ATG2B: variants seen among roughly 807,000 people sequenced by gnomAD.
ATG2B encodes the protein autophagy related 2B.
ATG2B carries 121 observed loss-of-function variants against 241.3 expected under a neutral mutation model. The observed-to-expected ratio is 0.50, with a 90% CI of 0.43 to 0.58. The LOEUF (loss-of-function observed/expected upper bound fraction) is 0.58, where lower values mean the gene tolerates loss of function less well. Ranked by LOEUF, ATG2B falls within the 20% of genes least tolerant of loss-of-function variation. The pLI, the probability that ATG2B is intolerant of heterozygous loss-of-function variation, is 0.00. For missense variants in ATG2B, 2,306 were observed against 2,491.6 expected, an observed-to-expected ratio of 0.93 and a Z score of 1.59; for synonymous variants, 858 against 876.6, an observed-to-expected ratio of 0.98 and a Z score of 0.37.
intron 1 of ATG2B, among the ~76,000 whole-genome samples, chr14:96,354,852 T>C (rs753895287): frequency 2.0e-5 from 3 of 152,236 alleles, no homozygotes; most frequent in Non-Finnish European, 2.9e-5. Flanking sequence ...TGGTGCGAGA[T>C]GGTATCTCAT....
chr14:96,322,454 A>AT (rs1428950142), intron 17 of ATG2B, 86 bp downstream of exon 17: 7 of 1,418,988 alleles, frequency 4.9e-6, no homozygotes, highest in Non-Finnish European at 5.6e-6. Context: ...TACACAAGGC[A>AT]TTTTTTTAAA....
In ATG2B at chr14:96,302,019, G is replaced by T. The variant is rs1035826204; in HGVS notation, c.5127C>A (p.Leu1709=). Residue 1709 remains leucine (L), a synonymous_variant, in exon 34 of 42, where the codon CTC becomes CTA. Transcript: ENST00000359933. ...CLRVSLMPLR[L]NIDQDALFFL... ...TCATGCTACAAACCTGGTCAATATTGAGGCGGAGCGGCATCAGCGACACTC... is the reference window on the plus strand; with the variant it reads ...TCATGCTACAAACCTGGTCAATATTTAGGCGGAGCGGCATCAGCGACACTC... 2 of 1,613,646 alleles carry T rather than the reference G, an allele frequency of 1.2e-6. No homozygotes were observed. The highest frequency in any genetic ancestry group is 1.7e-6 in the Non-Finnish European group (2 of 1,179,716).
At chr14:96,340,118 TGAA>T (rs1887981551) in intron 6 of ATG2B, among the ~76,000 whole-genome samples, 1 of 11,752 alleles carries the variant, frequency 8.5e-5, no homozygotes, top group Non-Finnish European at 2.2e-4. Flanking sequence ...ATGATATATA[TGAA>T]TATATATATC....
rs1886212759 is a variant in ATG2B, at chr14:96,282,018, AATGTC to A, written c.*3732_*3736del. The A allele has an allele frequency of 6.6e-6, 1 of 152,208 alleles. No individual in the cohort carries two copies. The highest frequency in any genetic ancestry group is 6.5e-5 in the Admixed American group (1 of 15,280). 9.4% of individuals were successfully genotyped at this position (152,208 alleles called of 1,614,324 possible). A position where few individuals can be genotyped will look rare whatever the true frequency, so the allele number is the denominator to read the frequency against. ...TTGGCTGACTTGCAACTGTGCATAT[AATGTC>A]TATTCAAGGGGGCAGTGTGCCTAGC... is the stretch of plus-strand genomic sequence containing the variant. On this transcript the variant is annotated 3_prime_UTR_variant, in exon 42 of 42. Coordinates refer to ENST00000359933, the MANE Select transcript of ATG2B (RefSeq NM_018036.7).
Position 96,290,781 on chromosome 14 carries a change from C to G in ATG2B, c.5701+33G>C, listed in dbSNP as rs200224003. Reference sequence around the variant, plus strand: ...AAGAATTACTCATCTGAAAAAATAACTTATCTTTTGATTAAAAAAGAAGAA... The same window carrying G: ...AAGAATTACTCATCTGAAAAAATAAGTTATCTTTTGATTAAAAAAGAAGAA... On this transcript the variant is annotated intron_variant, in intron 39 of 41. Coordinates refer to ENST00000359933, the MANE Select transcript of ATG2B (RefSeq NM_018036.7). The surrounding 1 kb of genome is among the most constrained non-coding windows in gnomAD (Gnocchi z 4.4). The G allele has an allele frequency of 2.7e-4, 431 of 1,590,358 alleles. No individual in the cohort carries two copies. Among genetic ancestry groups the G allele is most frequent in the Non-Finnish European group, 3.5e-4 (407 of 1,171,740 alleles).
intron 31 of ATG2B, 126 bp from the exon 32 acceptor site, chr14:96,304,729 G>T: frequency 1.5e-6 from 1 of 663,326 alleles, no homozygotes; most frequent in Non-Finnish European, 2.5e-6. Context: ...TCAGAACGCT[G>T]CCACAAATTA....
At chr14:96,344,849 C>A (rs1437438980) in intron 3 of ATG2B, 93 bp from the exon 4 acceptor site, 1 of 528,262 alleles carries the variant, frequency 1.9e-6, no homozygotes. Context: ...TTGATAAGAA[C>A]TTTTGTTTAC....
rs201130552 is a variant in ATG2B at position 96,305,754 on chromosome 14, T to C, written c.4568A>G (p.Asn1523Ser). ...MVDDAIVIRD[N>S]YFSLPVNKTD... ...CTTATTAACGGGCAGACTGAAATAA[T>C]TGTCTCTTATCACAATTGCATCATC... Residue 1523 changes from asparagine (N) to serine (S), a missense_variant, in exon 31 of 42, where the codon AAT becomes AGT. Physicochemically the swap from Asn to Ser is conservative, Grantham distance 46 (BLOSUM62 1). Transcript: ENST00000359933. 221 of 1,614,062 alleles carry C rather than the reference T, an allele frequency of 1.4e-4. No individual in the cohort carries two copies. The highest frequency in any genetic ancestry group is 3.3e-5 in the Admixed American group (2 of 60,006).
At chr14:96,337,624 T>C (rs1263018901) in intron 6 of ATG2B, among the ~76,000 whole-genome samples, 1 of 152,220 alleles carries the variant, frequency 6.6e-6, no homozygotes, top group African/African-American at 2.4e-5. Flanking sequence ...TCTATTCTGT[T>C]CCATTGGACT....
chr14:96,315,596 A>G lies in ATG2B; in HGVS notation c.3362-13T>C, dbSNP rs1043652278. On this transcript the variant is annotated splice_polypyrimidine_tract_variant and intron_variant, in intron 21 of 41. Coordinates refer to ENST00000359933, the MANE Select transcript of ATG2B (RefSeq NM_018036.7). ...CCATTCACTATGCCTAGAGATCCAC[A>G]TTGAGGTAAAAATAGTAACAAAATG... is the stretch of plus-strand genomic sequence containing the variant. 6.3e-7 allele frequency: 1 copy of G among 1,599,916 alleles called. No individual in the cohort carries two copies. Among genetic ancestry groups the G allele is most frequent in the African/African-American group, 1.3e-5 (1 of 74,620 alleles).
intron 33 of ATG2B, 128 bp downstream of exon 33, chr14:96,302,933 A>G: frequency 1.4e-6 from 1 of 712,994 alleles, no homozygotes; most frequent in Non-Finnish European, 2.1e-6. Flanking sequence ...TACATTCAAA[A>G]GGGACTTTTC....
chr14:96,304,679 A>C (rs1331555970), intron 31 of ATG2B, 76 bp from the exon 32 acceptor site: 3 of 1,158,648 alleles, frequency 2.6e-6, no homozygotes, highest in East Asian at 2.4e-5. Flanking sequence ...GACATTAAGG[A>C]AAATGATAAG....
In ATG2B at chr14:96,314,670, CTGTTT is replaced by C. The variant is rs67718533; in HGVS notation, c.3642+479_3642+483del. On this transcript the variant is annotated intron_variant, in intron 23 of 41. Transcript: ENST00000359933. Reference sequence around the variant, plus strand: ...CCAATTACATTCTGAGGTGATAATACTGTTTTGTTTTGTTTTGTTTTGTTTTGTTT... The same window carrying C: ...CCAATTACATTCTGAGGTGATAATACTGTTTTGTTTTGTTTTGTTTTGTTT... Among the ~76,000 whole-genome samples, 369 of 151,460 alleles carry C rather than the reference CTGTTT, an allele frequency of 2.4e-3. 8 individuals carry two copies. Among genetic ancestry groups the C allele is most frequent in the South Asian group, 0.015 (72 of 4,786 alleles).
Position 96,303,229 on chromosome 14 carries a change from C to T in ATG2B, c.4869G>A (p.Pro1623=), listed in dbSNP as rs114955360. The part of the protein sequence containing the change: ...SKVKFQHEVY[P]PCKPDCDSSL... The stretch of plus-strand genomic sequence containing the variant: ...TGGAATCACAATCAGGTTTGCATGG[C>T]GGGTAGACTTCATGCTGAAACTTCA... The change falls in exon 33 of 42, where the codon CCG becomes CCA. Residue 1623 remains proline, a synonymous_variant. Transcript: ENST00000359933. 2,478 of 1,593,546 alleles carry T rather than the reference C, an allele frequency of 1.6e-3. 40 individuals carry two copies. In the African/African-American group the frequency reaches 0.029, roughly 19 times the overall value.
At chr14:96,309,423 A>G (rs755495142) in intron 29 of ATG2B, 30 bp downstream of exon 29, 1 of 1,587,884 alleles carries the variant, frequency 6.3e-7, no homozygotes. Context: ...CATTAACATC[A>G]GTGCTCCCTG....
chr14:96,334,610 G>T, intron 6 of ATG2B, 109 bp from the exon 7 acceptor site: 1 of 571,188 alleles, frequency 1.8e-6, no homozygotes. Flanking sequence ...CTTTAGTCTT[G>T]GAGTCCTTCA....
At chr14:96,343,476 TTTAAG>T (rs1426783739) in intron 4 of ATG2B, among the ~76,000 whole-genome samples, 195 bp from the exon 5 acceptor site, 1 of 152,168 alleles carries the variant, frequency 6.6e-6, no homozygotes, top group African/African-American at 2.4e-5. Flanking sequence ...ACATAGCTTT[TTTAAG>T]TTAAGGGGTT....
At position 96,334,494 on chromosome 14, in the gene ATG2B, A is replaced by C; in HGVS notation, c.932T>G (p.Val311Gly). The part of the protein sequence containing the change: ...NEVLPGAKLD[V>G]DGQIDSIHLL... ...ATGAATAGAGTCTATCTGTCCATCA[A>C]CATCCAACTTAAGGGAAAAAAAAAA... The change falls in exon 7 of 42, where the codon GTT becomes GGT. Residue 311 changes from valine to glycine, a missense_variant. Coordinates refer to ENST00000359933, the MANE Select transcript of ATG2B (RefSeq NM_018036.7). The C allele has an allele frequency of 1.9e-6, 3 of 1,592,252 alleles. No homozygotes were observed. The highest frequency in any genetic ancestry group is 2.6e-6 in the Non-Finnish European group (3 of 1,171,066).
chr14:96,347,224 C>T lies in ATG2B; in HGVS notation c.280G>A (p.Glu94Lys). The change falls in exon 2 of 42, where the codon GAA (glutamate) becomes AAA (lysine). Residue 94 changes from glutamate to lysine, a missense_variant. Glu to Lys is a moderately conservative substitution (Grantham distance 56, BLOSUM62 1). Around this residue, in one of 2 missense-constraint regions of ATG2B, gnomAD observed 1,927 missense variants for 2,011.2 expected, o/e 0.96. Transcript: ENST00000359933. ...GSLLQDNCAL[E>K]VRGLEMVFRP... ...AAGACCATTTCTAATCCTCTCACTT[C>T]CAGTGCACAATTATCCTGCAGTAAA... The T allele has an allele frequency of 6.2e-7, 1 of 1,608,260 alleles. No homozygotes were observed.
Sources: allele counts gnomAD v4.1 joint callset (sites outside exome capture counted in the v4.1 genomes callset), GRCh38; gene constraint gnomAD v4.1.1; regional missense constraint gnomAD v4.1.1; non-coding constraint Gnocchi (gnomAD v3.1); transcripts MANE v1.5; gene names NCBI Gene and HGNC (gene_info 2026-07-23, HGNC 2026-07-21).